WNT2B: variants seen among roughly 807,000 people sequenced by gnomAD.
WNT2B encodes protein Wnt-2b.
Under a neutral mutation model 40.5 loss-of-function variants are expected in WNT2B, and 19 were observed. The ratio of observed to expected loss-of-function variants is 0.47; its 90% CI spans 0.33 to 0.69. The LOEUF is 0.69. Ranked by LOEUF, WNT2B falls within the 30% of genes least tolerant of loss-of-function variation. The probability of loss-of-function intolerance (pLI) is 0.02; values close to 1 mark genes in which losing one functional copy is unlikely to be tolerated. For synonymous variants in WNT2B, 220 were observed against 211.9 expected, an observed-to-expected ratio of 1.04 and a Z score of -0.33; for missense variants, 467 against 556.4, an observed-to-expected ratio of 0.84 and a Z score of 1.62.
intron 1 of WNT2B, among the ~76,000 whole-genome samples, chr1:112,469,627 T>C (rs1650811521): frequency 1.4e-5 from 2 of 146,876 alleles, no homozygotes; most frequent in African/African-American, 2.5e-5. Flanking sequence ...ATTTCTTTCC[T>C]TTTTTTTTTT....
intron 1 of WNT2B, among the ~76,000 whole-genome samples, chr1:112,488,257 C>T (rs1263273466): frequency 1.3e-5 from 2 of 152,162 alleles, no homozygotes; most frequent in East Asian, 3.9e-4. Context: ...GAGATCGCTC[C>T]ACTGCATTGC....
intron 1 of WNT2B, among the ~76,000 whole-genome samples, chr1:112,493,118 A>C (rs1035335303): frequency 6.6e-6 from 1 of 152,242 alleles, no homozygotes; most frequent in African/African-American, 2.4e-5. Context: ...AACTGTGATC[A>C]ATATGTTAAG....
Position 112,516,183 on chromosome 1 carries a change from G to A in WNT2B, c.447G>A (p.Gly149=), listed in dbSNP as rs768452804. 4.3e-6 allele frequency: 7 copies of A among 1,614,004 alleles called. No homozygotes were observed. Among genetic ancestry groups the A allele is most frequent in the African/African-American group, 1.3e-5 (1 of 74,994 alleles). The change falls in exon 3 of 5, where the codon GGG becomes GGA. Residue 149 remains glycine (G), a synonymous_variant. Coordinates refer to ENST00000369684, the MANE Select transcript of WNT2B (RefSeq NM_024494.3). ...TTGTATATGCCATCTCATCAGCAGGGGTAGTCCACGCTATTACTCGCGCCT... is the reference window on the plus strand; with the variant it reads ...TTGTATATGCCATCTCATCAGCAGGAGTAGTCCACGCTATTACTCGCGCCT... ...AAFVYAISSA[G]VVHAITRACS...
At chr1:112,479,702 GT>G (rs1651163642) in intron 1 of WNT2B, among the ~76,000 whole-genome samples, 1 of 151,868 alleles carries the variant, frequency 6.6e-6, no homozygotes, top group East Asian at 1.9e-4. Flanking sequence ...TTGAAGTTAA[GT>G]TTTTTTGTTG....
chr1:112,504,716 C>T (rs565606658), upstream of WNT2B, among the ~76,000 whole-genome samples: 3 of 152,192 alleles, frequency 2.0e-5, no homozygotes, highest in Non-Finnish European at 2.9e-5. Flanking sequence ...TCAGGAAAGG[C>T]GTCTCAGGGC....
intron 1 of WNT2B, among the ~76,000 whole-genome samples, chr1:112,512,759 G>A (rs1400239966): frequency 1.3e-5 from 2 of 152,070 alleles, no homozygotes; most frequent in African/African-American, 4.8e-5. Context: ...GAACTGAGAG[G>A]AAGATGTGGT....
chr1:112,491,197 C>T (rs944376771), intron 1 of WNT2B: 9 of 988,360 alleles, frequency 9.1e-6, no homozygotes, highest in Non-Finnish European at 1.2e-5. Context: ...ATCACAAGGG[C>T]AAGAGTTCGA....
At chr1:112,512,971 G>T (rs757934020) in intron 1 of WNT2B, among the ~76,000 whole-genome samples, 2 of 152,118 alleles carry the variant, frequency 1.3e-5, no homozygotes, top group Non-Finnish European at 2.9e-5. Flanking sequence ...TAATAAAAAG[G>T]ACCTATGTGG....
chr1:112,520,008 A>AG (rs1216813156), intron 4 of WNT2B, among the ~76,000 whole-genome samples: 2 of 151,406 alleles, frequency 1.3e-5, no homozygotes, highest in African/African-American at 4.9e-5. Flanking sequence ...AGTATCTAGG[A>AG]CTACAGGCTC....
At chr1:112,514,292 C>A (rs1008152179) in intron 1 of WNT2B, among the ~76,000 whole-genome samples, 1 of 152,156 alleles carries the variant, frequency 6.6e-6, no homozygotes, top group Non-Finnish European at 1.5e-5. Flanking sequence ...TCTTCCTCCC[C>A]GGACCTCACG....
chr1:112,490,769 G>A (rs1383559814), intron 1 of WNT2B, among the ~76,000 whole-genome samples: 3 of 152,100 alleles, frequency 2.0e-5, no homozygotes, highest in Non-Finnish European at 4.4e-5. Flanking sequence ...GATTACAGGC[G>A]TGAGCCCCCG....
chr1:112,517,335 T>C lies in WNT2B; in HGVS notation c.896T>C (p.Leu299Pro), dbSNP rs1282543471. The C allele has an allele frequency of 1.9e-6, 3 of 1,612,938 alleles. No homozygotes were observed. Residue 299 changes from leucine to proline, a missense_variant, in exon 4 of 5, where the codon CTT becomes CCT. Physicochemically the swap from Leu to Pro is moderately conservative, Grantham distance 98. Transcript: ENST00000369684. The stretch of plus-strand genomic sequence containing the variant: ...TATCGCCGTGCCACCCGGACTGATC[T>C]TGTCTACTTTGACAACTCTCCAGAT... ...QGYRRATRTDLVYFDNSPDYC... is the reference protein window; with the variant it reads ...QGYRRATRTDPVYFDNSPDYC...
intron 1 of WNT2B, among the ~76,000 whole-genome samples, chr1:112,503,455 A>C (rs1423267524): frequency 6.6e-6 from 1 of 152,212 alleles, no homozygotes; most frequent in Non-Finnish European, 1.5e-5. Flanking sequence ...GAGAGGTATG[A>C]GACAGAGAGA....
intron 1 of WNT2B, among the ~76,000 whole-genome samples, chr1:112,494,563 A>T (rs957646904): frequency 5.3e-5 from 8 of 151,324 alleles, no homozygotes. Context: ...GTAGAGACAA[A>T]GTCTCTCTTT....
intron 1 of WNT2B, among the ~76,000 whole-genome samples, chr1:112,503,827 A>G (rs746132650): frequency 2.0e-5 from 3 of 152,096 alleles, no homozygotes; most frequent in Non-Finnish European, 4.4e-5. Context: ...GCAAATAGAC[A>G]GAGAATGACA....
chr1:112,499,034 C>T (rs895543598), intron 1 of WNT2B, among the ~76,000 whole-genome samples: 1 of 152,014 alleles, frequency 6.6e-6, no homozygotes, highest in African/African-American at 2.4e-5. Flanking sequence ...GGTGAAACCC[C>T]ATCTCTACTA....
intron 1 of WNT2B, among the ~76,000 whole-genome samples, chr1:112,498,893 CT>C (rs1651860214): frequency 6.6e-6 from 1 of 152,134 alleles, no homozygotes; most frequent in Non-Finnish European, 1.5e-5. Context: ...CCGTTCCAGC[CT>C]CTATCCATTA....
In WNT2B at chr1:112,528,773, G is replaced by C. The variant is rs1053270445; in HGVS notation, c.*8264G>C. 2 of 152,140 alleles carry C rather than the reference G, an allele frequency of 1.3e-5. No individual in the cohort carries two copies. Among genetic ancestry groups the C allele is most frequent in the African/African-American group, 4.8e-5 (2 of 41,414 alleles). The allele number at this position is 152,140 out of a possible 1,614,324, so 9.4% of individuals were successfully genotyped here. On this transcript the variant is annotated 3_prime_UTR_variant, in exon 5 of 5. Transcript: ENST00000369684. Reference sequence around the variant, plus strand: ...TGACTGGTCCTACATATTCTACTTGGTATATTGAATTTTTGCAGCTAGCAG... The same window carrying C: ...TGACTGGTCCTACATATTCTACTTGCTATATTGAATTTTTGCAGCTAGCAG...
rs1424596047 is a variant in WNT2B at position 112,517,344 on chromosome 1, T to C, written c.905T>C (p.Phe302Ser). The change falls in exon 4 of 5, where the codon TTT becomes TCT. Residue 302 changes from phenylalanine (F) to serine (S), a missense_variant. Coordinates refer to ENST00000369684, the MANE Select transcript of WNT2B (RefSeq NM_024494.3). ...GCCACCCGGACTGATCTTGTCTACT[T>C]TGACAACTCTCCAGATTACTGTGTC... is the stretch of plus-strand genomic sequence containing the variant. ...RRATRTDLVY[F>S]DNSPDYCVLD... 1 of 1,612,412 alleles carries C rather than the reference T, an allele frequency of 6.2e-7. No homozygotes were observed. Among genetic ancestry groups the C allele is most frequent in the East Asian group, 2.2e-5 (1 of 44,826 alleles).
Sources: gnomAD v4.1 joint callset for allele counts (sites outside exome capture counted in the v4.1 genomes callset) on GRCh38, gnomAD v4.1.1 for gene constraint, MANE v1.5 for transcripts, NCBI Gene and HGNC (gene_info 2026-07-23, HGNC 2026-07-21) for gene names.